The following RAPGEF5 variants were observed in gnomAD, a reference collection of about 807,000 sequenced individuals.
RAPGEF5 encodes the protein M-Ras-regulated GEF.
In RAPGEF5, 65 loss-of-function variants were observed where a neutral mutation model predicts 125.2. That is an observed-to-expected ratio of 0.52 (90% CI 0.43 to 0.64). The LOEUF (loss-of-function observed/expected upper bound fraction) is 0.64, where lower values mean the gene tolerates loss of function less well. Ranked by LOEUF, RAPGEF5 falls within the 30% of genes least tolerant of loss-of-function variation. RAPGEF5 has a pLI of 0.00. For synonymous variants in RAPGEF5, 391 were observed against 385.9 expected, an observed-to-expected ratio of 1.01 and a Z score of -0.16; for missense variants, 958 against 1,048.1, an observed-to-expected ratio of 0.91 and a Z score of 1.19.
At chr7:22,166,712 T>C (rs1159665341) in intron 12 of RAPGEF5, among the ~76,000 whole-genome samples, 1 of 152,244 alleles carries the variant, frequency 6.6e-6, no homozygotes, top group Non-Finnish European at 1.5e-5. Flanking sequence ...CTGATTCTCC[T>C]TTAAGTCCAT....
Position 22,176,745 on chromosome 7 carries a change from G to C in RAPGEF5, c.1205-9597C>G, listed in dbSNP as rs139295234. Among the ~76,000 whole-genome samples, 1,000 of 152,234 alleles carry C rather than the reference G, an allele frequency of 6.6e-3. 12 individuals carry two copies. Among genetic ancestry groups the C allele is most frequent in the African/African-American group, 0.021 (890 of 41,554 alleles). On this transcript the variant is annotated intron_variant, in intron 11 of 25. Coordinates refer to ENST00000665637, the MANE Select transcript of RAPGEF5 (RefSeq NM_012294.5). ...GGGGTTTTACCATGTTGGTCAGGCTGGTCCCAAACTCCTGACCTCAAATGA... is the reference window on the plus strand; with the variant it reads ...GGGGTTTTACCATGTTGGTCAGGCTCGTCCCAAACTCCTGACCTCAAATGA...
At chr7:22,316,347 CTATATAGA>C (rs1783588850) in intron 2 of RAPGEF5, among the ~76,000 whole-genome samples, 1 of 73,182 alleles carries the variant, frequency 1.4e-5, no homozygotes, top group African/African-American at 7.1e-5. Context: ...TATGTATCTA[CTATATAGA>C]TAGATAGATA....
intron 7 of RAPGEF5, among the ~76,000 whole-genome samples, chr7:22,231,388 T>G (rs959813646): frequency 6.6e-6 from 1 of 152,174 alleles, no homozygotes; most frequent in East Asian, 1.9e-4. Flanking sequence ...TGTGGAGTCT[T>G]GAATCCGTAT....
chr7:22,150,468 G>C lies in RAPGEF5; in HGVS notation c.1823C>G (p.Ser608Cys). The C allele has an allele frequency of 1.2e-6, 2 of 1,600,348 alleles. No individual in the cohort carries two copies. Among genetic ancestry groups the C allele is most frequent in the Non-Finnish European group, 1.7e-6 (2 of 1,174,022 alleles). The change falls in exon 18 of 26, where the codon TCC becomes TGC. Residue 608 changes from serine to cysteine, a missense_variant. Ser to Cys is a moderately radical substitution (Grantham distance 112). Coordinates refer to ENST00000665637, the MANE Select transcript of RAPGEF5 (RefSeq NM_012294.5). Reference sequence around the variant, plus strand: ...TCGACCAGATGCCTCGAGGGATTTGGAGATGACTAAGTCATTTGGCTGAAG... The same window carrying C: ...TCGACCAGATGCCTCGAGGGATTTGCAGATGACTAAGTCATTTGGCTGAAG... ...HELQPNDLVI[S>C]KSLEASGRIY... is the part of the protein sequence containing the mutation.
At chr7:22,273,557 C>T (rs1460306046) in intron 6 of RAPGEF5, among the ~76,000 whole-genome samples, 1 of 152,146 alleles carries the variant, frequency 6.6e-6, no homozygotes, top group Non-Finnish European at 1.5e-5. Context: ...TTGTTTAATG[C>T]AAACAAATAT....
chr7:22,118,422 A>T lies in RAPGEF5; in HGVS notation c.*3984T>A, dbSNP rs1782467772. ...CCTTATATTGCTTGGCCATTTTTAC[A>T]TATAAATTATTGCTTACTAGCTTCG... On this transcript the variant is annotated 3_prime_UTR_variant, in exon 26 of 26. Coordinates refer to ENST00000665637, the MANE Select transcript of RAPGEF5 (RefSeq NM_012294.5). 1 of 152,644 alleles carries T rather than the reference A, an allele frequency of 6.6e-6. No individual in the cohort carries two copies. Among genetic ancestry groups the T allele is most frequent in the South Asian group, 2.1e-4 (1 of 4,834 alleles). The allele number at this position is 152,644 out of a possible 1,614,324, so 9.5% of individuals were successfully genotyped here.
chr7:22,230,670 T>C (rs1786033903), intron 8 of RAPGEF5, among the ~76,000 whole-genome samples, 176 bp downstream of exon 8: 1 of 152,202 alleles, frequency 6.6e-6, no homozygotes, highest in Non-Finnish European at 1.5e-5. Flanking sequence ...TAATTACCAA[T>C]TTAGGACCCT....
rs781724619 is a variant in RAPGEF5, at chr7:22,267,004, T to C, written c.756A>G (p.Arg252=). Residue 252 remains arginine, a synonymous_variant, in exon 7 of 26, where the codon AGA becomes AGG. Coordinates refer to ENST00000665637, the MANE Select transcript of RAPGEF5 (RefSeq NM_012294.5). ...TCAAAGCAATAACAGCTGCTAGCTC[T>C]CTCTGCACCTAATAAAATATTAGGG... ...ILVRLTSAVQ[R]ELAAVIALKA... The C allele has an allele frequency of 2.4e-5, 38 of 1,608,676 alleles. 2 individuals are homozygous for C. In the South Asian group the frequency reaches 4.0e-4, roughly 17 times the overall value.
chr7:22,134,111 TTTAAA>T (rs1384283318), intron 23 of RAPGEF5, among the ~76,000 whole-genome samples: 52 of 152,352 alleles, frequency 3.4e-4, no homozygotes, highest in African/African-American at 1.2e-3. Flanking sequence ...TCATTGAAAC[TTTAAA>T]TTATGTGATT....
At chr7:22,133,586 C>T (rs1289911495) in intron 23 of RAPGEF5, among the ~76,000 whole-genome samples, 6 of 152,086 alleles carry the variant, frequency 3.9e-5, no homozygotes, top group Non-Finnish European at 7.4e-5. Flanking sequence ...CCAAGAGTCC[C>T]AACATTCCTT....
At chr7:22,286,563 G>C (rs944476757) in intron 6 of RAPGEF5, among the ~76,000 whole-genome samples, 1 of 152,174 alleles carries the variant, frequency 6.6e-6, no homozygotes, top group Non-Finnish European at 1.5e-5. Context: ...TCTAGAATAC[G>C]TTTTTATCTC....
chr7:22,128,074 T>C (rs1782803654), intron 24 of RAPGEF5, among the ~76,000 whole-genome samples: 2 of 152,210 alleles, frequency 1.3e-5, no homozygotes, highest in South Asian at 2.1e-4. Context: ...TTCTATCATA[T>C]GCCATTTGCG....
intron 9 of RAPGEF5, among the ~76,000 whole-genome samples, chr7:22,218,959 CCTT>C (rs1238140094): frequency 6.6e-6 from 1 of 152,190 alleles, no homozygotes; most frequent in Non-Finnish European, 1.5e-5. Context: ...TACCTCCTCT[CCTT>C]CTCAGTAAAA....
chr7:22,242,690 G>A (rs1322511221), intron 7 of RAPGEF5, among the ~76,000 whole-genome samples: 2 of 152,118 alleles, frequency 1.3e-5, no homozygotes, highest in African/African-American at 4.8e-5. Flanking sequence ...GGTGGCTCAC[G>A]CCTGTAATCC....
intron 9 of RAPGEF5, among the ~76,000 whole-genome samples, chr7:22,200,966 G>A (rs1226416611): frequency 6.6e-6 from 1 of 152,190 alleles, no homozygotes; most frequent in African/African-American, 2.4e-5. Context: ...GATACTGGCA[G>A]GAAAATGCAC....
intron 6 of RAPGEF5, among the ~76,000 whole-genome samples, chr7:22,282,664 G>C (rs998302199): frequency 6.6e-6 from 1 of 152,182 alleles, no homozygotes; most frequent in Admixed American, 6.5e-5. Context: ...ATGTGACAAT[G>C]TACGACAAAA....
At chr7:22,183,444 A>G (rs1784737391) in intron 11 of RAPGEF5, among the ~76,000 whole-genome samples, 1 of 152,156 alleles carries the variant, frequency 6.6e-6, no homozygotes, top group Admixed American at 6.6e-5. Flanking sequence ...AGAAAATTAG[A>G]AATTTACTTA....
intron 9 of RAPGEF5, among the ~76,000 whole-genome samples, chr7:22,204,626 C>T (rs1785356774): frequency 6.6e-6 from 1 of 152,188 alleles, no homozygotes; most frequent in South Asian, 2.1e-4. Context: ...TAAGTAAACA[C>T]TCCTGTTTTT....
intron 1 of RAPGEF5, among the ~76,000 whole-genome samples, chr7:22,350,137 T>C (rs750700264): frequency 2.0e-5 from 3 of 150,154 alleles, no homozygotes; most frequent in Admixed American, 6.7e-5. Context: ...CTAACAAAGA[T>C]TGTTATGCAG....
Sources: gnomAD v4.1 joint callset for allele counts (sites outside exome capture counted in the v4.1 genomes callset) on GRCh38, gnomAD v4.1.1 for gene constraint, MANE v1.5 for transcripts, NCBI Gene and HGNC (gene_info 2026-07-23, HGNC 2026-07-21) for gene names.